ADAM12: variants seen among roughly 807,000 people sequenced by gnomAD.
ADAM12 encodes disintegrin and metalloproteinase domain-containing protein 12.
ADAM12 carries 70 observed loss-of-function variants against 106.4 expected under a neutral mutation model. The ratio of observed to expected loss-of-function variants is 0.66; its 90% CI spans 0.54 to 0.80. The LOEUF is 0.80. Among genes scored for constraint, ADAM12 ranks in the 30% least tolerant of loss-of-function variants. The pLI, the probability that ADAM12 is intolerant of heterozygous loss-of-function variation, is 0.00. For synonymous variants in ADAM12, 420 were observed against 433.5 expected, an observed-to-expected ratio of 0.97 and a Z score of 0.39; for missense variants, 1,010 against 1,171.9, an observed-to-expected ratio of 0.86 and a Z score of 2.02.
chr10:126,130,237 G>A (rs984533520), intron 5 of ADAM12, among the ~76,000 whole-genome samples: 1 of 151,708 alleles, frequency 6.6e-6, no homozygotes. Flanking sequence ...TTCTGTCAGT[G>A]AGCAGTTGAT....
In ADAM12 at chr10:126,388,115, C is replaced by T. The variant is rs776164501; in HGVS notation, c.31G>A (p.Ala11Thr). The T allele has an allele frequency of 2.6e-5, 32 of 1,223,862 alleles. No individual in the cohort carries two copies. Among genetic ancestry groups the T allele is most frequent in the Middle Eastern group, 3.2e-4 (1 of 3,136 alleles). The allele number at this position is 1,223,862 out of a possible 1,614,324, so 75.8% of individuals were successfully genotyped here. A position where few individuals can be genotyped will look rare whatever the true frequency, so the allele number is the denominator to read the frequency against. ...GCCAGGGCGAGCAGGAGGGCGCGGG[C>T]GGGGGACACGGGCAGCGGGCGCGCT... MAARPLPVSP[A>T]RALLLALAGA... The change falls in exon 1 of 23, where the codon GCC becomes ACC. Residue 11 changes from alanine (A) to threonine (T), a missense_variant. Physicochemically the swap from Ala to Thr is moderately conservative, Grantham distance 58. Transcript: ENST00000448723. The surrounding 1 kb of genome is among the most constrained non-coding windows in gnomAD (Gnocchi z 4.4).
intron 3 of ADAM12, among the ~76,000 whole-genome samples, chr10:126,224,113 G>A (rs754212200): frequency 1.3e-5 from 2 of 152,106 alleles, no homozygotes; most frequent in East Asian, 1.9e-4. Flanking sequence ...GGAGAGATGC[G>A]GGAAAGGCAG....
chr10:126,142,513 G>T (rs1181328931), intron 4 of ADAM12, among the ~76,000 whole-genome samples: 1 of 152,184 alleles, frequency 6.6e-6, no homozygotes, highest in African/African-American at 2.4e-5. Flanking sequence ...GCCCTGGGTG[G>T]GCCAGGTGTT....
intron 3 of ADAM12, among the ~76,000 whole-genome samples, chr10:126,204,864 T>A (rs1342134261): frequency 6.6e-6 from 1 of 152,196 alleles, no homozygotes; most frequent in Non-Finnish European, 1.5e-5. Flanking sequence ...TTGTCACAAC[T>A]ACCCAACTCT....
chr10:126,132,330 A>G (rs1956320688), intron 5 of ADAM12, among the ~76,000 whole-genome samples: 1 of 152,186 alleles, frequency 6.6e-6, no homozygotes, highest in South Asian at 2.1e-4. Context: ...GGCTGAAAAT[A>G]TCCAGCCTTC....
chr10:126,132,478 A>G (rs952190228), intron 5 of ADAM12, among the ~76,000 whole-genome samples: 2 of 151,266 alleles, frequency 1.3e-5, no homozygotes, highest in African/African-American at 4.9e-5. Context: ...TCTCTACAGG[A>G]GCTGCAAAGC....
intron 11 of ADAM12, among the ~76,000 whole-genome samples, chr10:126,086,680 A>AAAAAAAAATATATAT (rs1554966976): frequency 2.5e-4 from 6 of 24,266 alleles, no homozygotes; most frequent in East Asian, 2.7e-3. Context: ...AAAAAAAAAA[A>AAAAAAAAATATATAT]ATATATATAT....
At chr10:126,048,471 A>G (rs1295050206) in intron 16 of ADAM12, among the ~76,000 whole-genome samples, 2 of 152,132 alleles carry the variant, frequency 1.3e-5, no homozygotes, top group Non-Finnish European at 2.9e-5. Context: ...CAAAGACAGG[A>G]GAGTGGAGGC....
chr10:126,076,268 T>C (rs1278260329), intron 11 of ADAM12, among the ~76,000 whole-genome samples: 1 of 152,262 alleles, frequency 6.6e-6, no homozygotes, highest in African/African-American at 2.4e-5. Flanking sequence ...TTCGTTCTTT[T>C]GATGGCTGTG....
chr10:126,173,785 C>T (rs1957165170), intron 3 of ADAM12, among the ~76,000 whole-genome samples: 1 of 151,986 alleles, frequency 6.6e-6, no homozygotes, highest in African/African-American at 2.4e-5. Flanking sequence ...GGCCCCAACT[C>T]CAGAGAATTT....
intron 3 of ADAM12, among the ~76,000 whole-genome samples, chr10:126,214,409 G>A (rs910049481): frequency 5.3e-5 from 8 of 152,162 alleles, no homozygotes; most frequent in Admixed American, 5.2e-4. Context: ...CACTTAGAAT[G>A]GTGCCTGACA....
intron 21 of ADAM12, among the ~76,000 whole-genome samples, chr10:126,027,329 T>G (rs1953892844): frequency 6.6e-6 from 1 of 152,108 alleles, no homozygotes; most frequent in Non-Finnish European, 1.5e-5. Flanking sequence ...CTACTGAAAC[T>G]ATTCCAAAAA....
intron 1 of ADAM12, among the ~76,000 whole-genome samples, chr10:126,361,465 C>T (rs1222186066): frequency 1.3e-5 from 2 of 151,922 alleles, no homozygotes; most frequent in South Asian, 2.1e-4. Flanking sequence ...CACAAAAAAC[C>T]CTGACTAGCC....
At chr10:126,312,847 C>G (rs994212217) in intron 2 of ADAM12, among the ~76,000 whole-genome samples, 20 of 152,162 alleles carry the variant, frequency 1.3e-4, no homozygotes, top group Admixed American at 2.6e-4. Context: ...CTCATCGCAG[C>G]CACATATGCA....
chr10:126,139,989 A>AG (rs1160107775), intron 4 of ADAM12, among the ~76,000 whole-genome samples: 1 of 152,190 alleles, frequency 6.6e-6, no homozygotes, highest in Admixed American at 6.5e-5. Context: ...CTGGGGCATC[A>AG]GGGGGATCCT....
chr10:126,173,410 C>A (rs1055007071), intron 3 of ADAM12, among the ~76,000 whole-genome samples: 1 of 152,052 alleles, frequency 6.6e-6, no homozygotes, highest in African/African-American at 2.4e-5. Context: ...AGCTGACAAT[C>A]GGTGCAGATG....
rs761175908 is a variant in ADAM12, at chr10:126,042,105, G to A, written c.2104+935C>T. 1.1e-5 allele frequency: 18 copies of A among 1,611,114 alleles called. No homozygotes were observed. The East Asian group carries it at 3.6e-4, about 32-fold the overall frequency. On this transcript the variant is annotated intron_variant, in intron 18 of 22. Transcript: ENST00000448723. ...CGTGACCTCCTCTGCAGCAGCACTG[G>A]TCACGGTCTCCATGTCATGGGAGGG...
At chr10:126,382,346 T>G (rs916024590) in intron 1 of ADAM12, among the ~76,000 whole-genome samples, 3 of 152,204 alleles carry the variant, frequency 2.0e-5, no homozygotes, top group Non-Finnish European at 4.4e-5. Flanking sequence ...GTAGAGAAGT[T>G]CTGTACATAA....
intron 21 of ADAM12, among the ~76,000 whole-genome samples, chr10:126,034,815 G>GACA (rs1554959697): frequency 1.3e-5 from 2 of 151,996 alleles, no homozygotes; most frequent in African/African-American, 4.8e-5. Flanking sequence ...ATTGCAAAAA[G>GACA]ACAACACTAA....
Sources: allele counts gnomAD v4.1 joint callset (sites outside exome capture counted in the v4.1 genomes callset), GRCh38; gene constraint gnomAD v4.1.1; non-coding constraint Gnocchi (gnomAD v3.1); transcripts MANE v1.5; gene names NCBI Gene and HGNC (gene_info 2026-07-23, HGNC 2026-07-21).